WRAP73: variants seen among roughly 807,000 people sequenced by gnomAD.
WRAP73 encodes WD repeat containing, antisense to TP73.
In WRAP73, 55 loss-of-function variants were observed where a neutral mutation model predicts 59.6. The ratio of observed to expected loss-of-function variants is 0.92; its 90% confidence interval spans 0.74 to 1.15. WRAP73 has a LOEUF of 1.15. Ranked by LOEUF, WRAP73 falls within the 50% of genes most tolerant of loss-of-function variation. The probability of loss-of-function intolerance (pLI) is 0.00; values close to 1 mark genes in which losing one functional copy is unlikely to be tolerated. For missense variants in WRAP73, 592 were observed against 608.1 expected (o/e 0.97, Z 0.28); for synonymous variants, 265 against 258.2 (o/e 1.03, Z -0.25).
chr1:3,641,148 C>A (rs1195431617), intron 3 of WRAP73, among the ~76,000 whole-genome samples: 3 of 152,238 alleles, frequency 2.0e-5, no homozygotes, highest in Non-Finnish European at 4.4e-5. Context: ...GGCTCCACAG[C>A]ACTCAGCAGC....
rs115045098 is a variant in WRAP73 at position 3,648,809 on chromosome 1, T to C, written c.69+1122A>G. 3.7e-3 allele frequency among the ~76,000 whole-genome samples: 570 copies of C among 152,328 alleles called. 4 individuals are homozygous for C. The highest frequency in any genetic ancestry group is 0.013 in the African/African-American group (543 of 41,578). ...AACAAAAAACAAACCTCTCATTTAA[T>C]TGAGGAGGGGGGCACATTGAAAATA... On this transcript the variant is annotated intron_variant, in intron 1 of 11. Transcript: ENST00000270708.
At chr1:3,643,325 C>A (rs180799692) in intron 3 of WRAP73, among the ~76,000 whole-genome samples, 1 of 152,220 alleles carries the variant, frequency 6.6e-6, no homozygotes, top group Non-Finnish European at 1.5e-5. Flanking sequence ...TCACGCAAGA[C>A]GTGGGGCAAA....
intron 4 of WRAP73, 108 bp downstream of exon 4, chr1:3,638,642 A>G: frequency 8.4e-7 from 1 of 1,185,376 alleles, no homozygotes; most frequent in East Asian, 2.3e-5. Context: ...GGGGTTGGCT[A>G]TGTGTTGATA....
At chr1:3,641,618 C>T (rs1160598566) in intron 3 of WRAP73, among the ~76,000 whole-genome samples, 2 of 152,164 alleles carry the variant, frequency 1.3e-5, no homozygotes, top group South Asian at 2.1e-4. Flanking sequence ...ACAAGGGGCA[C>T]GAGGAGCCCC....
intron 9 of WRAP73, chr1:3,632,856 ACCGAGCCCCGGGGTG>A: frequency 4.7e-6 from 1 of 211,036 alleles, no homozygotes; most frequent in South Asian, 6.7e-5. Context: ...CTGAGCACAC[ACCGAGCCCCGGGGTG>A]GGCCCGTCGG....
intron 1 of WRAP73, among the ~76,000 whole-genome samples, chr1:3,649,468 G>C (rs1644719274): frequency 6.6e-6 from 1 of 152,174 alleles, no homozygotes; most frequent in Admixed American, 6.5e-5. Context: ...ACAAAGAGCC[G>C]ACATCTCCTA....
chr1:3,641,518 G>A (rs1003858321), intron 3 of WRAP73, among the ~76,000 whole-genome samples: 16 of 152,246 alleles, frequency 1.1e-4, no homozygotes, highest in African/African-American at 3.1e-4. Flanking sequence ...CACGCACCAT[G>A]GCTCTGTGCA....
rs117445713 is a variant in WRAP73, at chr1:3,632,969, G to A, written c.922+429C>T. On this transcript the variant is annotated intron_variant, in intron 9 of 11. Transcript: ENST00000270708. ...GTGCTTTTACTATGCCCATTTCAGCGATGAGGAAACAGACACATAGGAAAT... is the reference window on the plus strand; with the variant it reads ...GTGCTTTTACTATGCCCATTTCAGCAATGAGGAAACAGACACATAGGAAAT... The A allele has an allele frequency of 1.1e-3, 249 of 228,376 alleles. 6 individuals carry two copies. The East Asian group carries it at 0.014, about 13-fold the overall frequency. 14.1% of individuals were successfully genotyped at this position (228,376 alleles called of 1,614,324 possible).
rs775177736 is a variant in WRAP73, at chr1:3,638,771, A to G, written c.391T>C (p.Tyr131His). ...LCTKSVSYIK[Y>H]PKACLQGITF... The stretch of plus-strand genomic sequence containing the variant: ...TCACCCTGCAGACAAGCTTTCGGGT[A>G]TTTGATGTAAGACACGGATTTTGTG... The change falls in exon 4 of 12, where the codon TAC becomes CAC. Residue 131 changes from tyrosine (Y) to histidine (H), a missense_variant. Coordinates refer to ENST00000270708, the MANE Select transcript of WRAP73 (RefSeq NM_017818.4). 15 of 1,614,166 alleles carry G rather than the reference A, an allele frequency of 9.3e-6. No individual in the cohort carries two copies. The South Asian group carries it at 1.3e-4, about 14-fold the overall frequency.
intron 4 of WRAP73, among the ~76,000 whole-genome samples, chr1:3,638,130 T>C (rs1352757032): frequency 1.3e-5 from 2 of 152,194 alleles, no homozygotes; most frequent in Non-Finnish European, 2.9e-5. Context: ...ATTCCAACTG[T>C]GTATGTTTCA....
rs267598574 is a variant in WRAP73, at chr1:3,631,605, G to A, written c.1101C>T (p.Phe367=). Residue 367 remains phenylalanine, a synonymous_variant, in exon 11 of 12, where the codon TTC becomes TTT. Coordinates refer to ENST00000270708, the MANE Select transcript of WRAP73 (RefSeq NM_017818.4). ...WVWDIQKLRL[F]AVLEQLSPVR... is the part of the protein sequence containing the mutation. Reference sequence around the variant, plus strand: ...CTGGGGACAGCTGCTCGAGCACCGCGAACAGCCTCAGCTTCTGAATGTCCC... The same window carrying A: ...CTGGGGACAGCTGCTCGAGCACCGCAAACAGCCTCAGCTTCTGAATGTCCC... The A allele has an allele frequency of 6.9e-6, 11 of 1,605,568 alleles. No homozygotes were observed. The highest frequency in any genetic ancestry group is 9.3e-6 in the Non-Finnish European group (11 of 1,179,770).
rs960420907 is a variant in WRAP73 at position 3,636,209 on chromosome 1, G to A, written c.517-179C>T. 20 of 613,528 alleles carry A rather than the reference G, an allele frequency of 3.3e-5. 1 individual carries two copies. The highest frequency in any genetic ancestry group is 8.5e-5 in the East Asian group (3 of 35,388). The allele number at this position is 613,528 out of a possible 1,614,324, so 38.0% of individuals were successfully genotyped here. A position where few individuals can be genotyped will look rare whatever the true frequency, so the allele number is the denominator to read the frequency against. Reference sequence around the variant, plus strand: ...GTAGAGCTGCTGCTGGGGCTGCACCGCCACAGATGCCAGCGTCAGTGCCTG... The same window carrying A: ...GTAGAGCTGCTGCTGGGGCTGCACCACCACAGATGCCAGCGTCAGTGCCTG... On this transcript the variant is annotated intron_variant, in intron 5 of 11. Transcript: ENST00000270708.
chr1:3,633,131 C>T (rs145669803), intron 9 of WRAP73: 90 of 422,012 alleles, frequency 2.1e-4, no homozygotes, highest in African/African-American at 1.7e-3. Context: ...CTCGGAGCTC[C>T]GGAAAAACAT....
chr1:3,631,888 T>G (rs992688390), intron 10 of WRAP73: 1,050 of 1,131,400 alleles, frequency 9.3e-4, no homozygotes, highest in East Asian at 2.7e-3. Context: ...CTTTGGTATT[T>G]TTTTTTTTTT....
chr1:3,636,925 A>G, intron 5 of WRAP73, 70 bp downstream of exon 5: 4 of 1,460,664 alleles, frequency 2.7e-6, no homozygotes, highest in Non-Finnish European at 3.8e-6. Flanking sequence ...TGGAATCTGG[A>G]AGGATCTACT....
At position 3,649,953 on chromosome 1, in the gene WRAP73, A is replaced by G. The variant is rs1184647480; in HGVS notation, c.47T>C (p.Phe16Ser). 1 of 1,603,918 alleles carries G rather than the reference A, an allele frequency of 6.2e-7. No individual in the cohort carries two copies. ...VFKLSSLLCK[F>S]SPDGKYLASC... ...CACCAGGTACTTGCCGTCCGGGGAG[A>G]ACTTGCAGAGTAAGCTGGAGAGCTT... The change falls in exon 1 of 12, where the codon TTC becomes TCC. Residue 16 changes from phenylalanine (F) to serine (S), a missense_variant. Transcript: ENST00000270708.
In WRAP73 at chr1:3,632,080, G is replaced by A. The variant is rs1047558830; in HGVS notation, c.1048+133C>T. ...TCCAAGGAGCTTCTGTGAGCACCTCGGCTACTGCAGAAACGTGAAAGGAGG... is the reference window on the plus strand; with the variant it reads ...TCCAAGGAGCTTCTGTGAGCACCTCAGCTACTGCAGAAACGTGAAAGGAGG... On this transcript the variant is annotated intron_variant, in intron 10 of 11. Coordinates refer to ENST00000270708, the MANE Select transcript of WRAP73 (RefSeq NM_017818.4). The A allele has an allele frequency of 1.5e-5, 23 of 1,498,042 alleles. No individual in the cohort carries two copies. The African/African-American group carries it at 1.5e-4, about 10-fold the overall frequency. The allele number at this position is 1,498,042 out of a possible 1,614,324, so 92.8% of individuals were successfully genotyped here. A position where few individuals can be genotyped will look rare whatever the true frequency, so the allele number is the denominator to read the frequency against.
intron 1 of WRAP73, 40 bp downstream of exon 1, chr1:3,649,891 C>A: frequency 6.4e-7 from 1 of 1,568,414 alleles, no homozygotes; most frequent in Non-Finnish European, 8.6e-7. Context: ...ACGCTGGCAC[C>A]GAGGATGTCC....
At chr1:3,638,917 G>A (rs1644613384) in intron 3 of WRAP73, 95 bp from the exon 4 acceptor site, 1 of 1,382,364 alleles carries the variant, frequency 7.2e-7, no homozygotes, top group East Asian at 2.3e-5. Context: ...CCCAAGCACA[G>A]GCCTGACTGC....
Sources: allele counts gnomAD v4.1 joint callset (sites outside exome capture counted in the v4.1 genomes callset), GRCh38; gene constraint gnomAD v4.1.1; transcripts MANE v1.5; gene names NCBI Gene and HGNC (gene_info 2026-07-23, HGNC 2026-07-21).